Variants in UNC13C observed in about 807,000 individuals in gnomAD.
The protein encoded by UNC13C is protein unc-13 homolog C.
A neutral mutation model predicts 245.4 loss-of-function variants in UNC13C; 174 were observed. That is an observed-to-expected ratio of 0.71 (90% CI 0.63 to 0.80). The LOEUF (loss-of-function observed/expected upper bound fraction) is 0.80, where lower values mean the gene tolerates loss of function less well. Among genes scored for constraint, UNC13C ranks in the 30% least tolerant of loss-of-function variants. UNC13C has a pLI of 0.00. For synonymous variants in UNC13C, 992 were observed against 895.1 expected (o/e 1.11, Z -1.93); for missense variants, 2,829 against 2,602.9 (o/e 1.09, Z -1.89).
At chr15:54,063,702 A>G (rs1169060582) in intron 2 of UNC13C, among the ~76,000 whole-genome samples, 1 of 152,186 alleles carries the variant, frequency 6.6e-6, no homozygotes, top group Non-Finnish European at 1.5e-5. Context: ...TTGACCTTTT[A>G]AAAAATGACT....
chr15:54,040,276 T>C (rs1279413340), intron 2 of UNC13C, among the ~76,000 whole-genome samples: 1 of 151,970 alleles, frequency 6.6e-6, no homozygotes, highest in East Asian at 1.9e-4. Flanking sequence ...AGGAGTCAGG[T>C]ATAGAAAGGA....
the UNC13C span, among the ~76,000 whole-genome samples, chr15:53,843,468 A>G: frequency 6.6e-6 from 1 of 152,132 alleles, no homozygotes; most frequent in East Asian, 1.9e-4. Flanking sequence ...TCTCAAATAT[A>G]TATATACATA....
At chr15:54,555,661 T>A in intron 29 of UNC13C, 149 bp downstream of exon 29, 1 of 624,830 alleles carries the variant, frequency 1.6e-6, no homozygotes, top group Non-Finnish European at 2.7e-6. Flanking sequence ...GGTGCAATAG[T>A]AATTGTGGTT....
chr15:54,588,860 C>T (rs8026701), intron 30 of UNC13C, among the ~76,000 whole-genome samples: 2,076 of 152,068 alleles, frequency 0.014, 48 homozygotes, highest in African/African-American at 0.047. Context: ...TATATATATA[C>T]GAGTTTCTTT....
chr15:53,942,162 C>T, the UNC13C span, among the ~76,000 whole-genome samples: 13 of 152,162 alleles, frequency 8.5e-5, no homozygotes, highest in Non-Finnish European at 8.8e-5. Context: ...TCCAAATGCC[C>T]TTCAATGGTA....
At position 54,343,967 on chromosome 15, in the gene UNC13C, A is replaced by C. The variant is rs546928944; in HGVS notation, c.4713+5478A>C. 1.3e-3 allele frequency among the ~76,000 whole-genome samples: 204 copies of C among 152,338 alleles called. 2 individuals carry two copies. Among genetic ancestry groups the C allele is most frequent in the African/African-American group, 4.8e-3 (200 of 41,574 alleles). ...GACCAGGGTGATCAAATATCACCAGAAGCATTGTAGAGGAAGGAAACCTGA... is the reference window on the plus strand; with the variant it reads ...GACCAGGGTGATCAAATATCACCAGCAGCATTGTAGAGGAAGGAAACCTGA... On this transcript the variant is annotated intron_variant, in intron 17 of 32. Coordinates refer to ENST00000260323, the MANE Select transcript of UNC13C (RefSeq NM_001080534.3).
intron 2 of UNC13C, among the ~76,000 whole-genome samples, chr15:54,084,731 T>C (rs1164150539): frequency 6.6e-6 from 1 of 152,216 alleles, no homozygotes; most frequent in Non-Finnish European, 1.5e-5. Context: ...CAAATATTAC[T>C]GCTAGTTGAG....
downstream of UNC13C, chr15:54,628,620 C>T (rs987988256): frequency 2.0e-5 from 3 of 152,544 alleles, no homozygotes; most frequent in East Asian, 1.9e-4. Flanking sequence ...TGTATTGTAT[C>T]TTCTGCCTTT....
chr15:54,150,100 T>A lies in UNC13C; in HGVS notation c.3071+6416T>A, dbSNP rs2141248854. The stretch of plus-strand genomic sequence containing the variant: ...ATTTCTTGATTCCTATTTCTCTCTC[T>A]TTTTACTATGGTAAAGTATTATCAC... On this transcript the variant is annotated intron_variant, in intron 4 of 32. Transcript: ENST00000260323. Among the ~76,000 whole-genome samples, 2 of 152,338 alleles carry A rather than the reference T, an allele frequency of 1.3e-5. 1 individual carries two copies. Among genetic ancestry groups the A allele is most frequent in the East Asian group, 3.9e-4 (2 of 5,182 alleles).
rs573235300 is a variant in UNC13C at position 54,614,153 on chromosome 15, T to C, written c.6107-8174T>C. On this transcript the variant is annotated intron_variant, in intron 30 of 32. Coordinates refer to ENST00000260323, the MANE Select transcript of UNC13C (RefSeq NM_001080534.3). The stretch of plus-strand genomic sequence containing the variant: ...TATGAAACTCAGGTCAATTGACTTA[T>C]TTTTTTAGACTCTGGCTATAATTGA... Among the ~76,000 whole-genome samples, 15 of 152,096 alleles carry C rather than the reference T, an allele frequency of 9.9e-5. No homozygotes were observed. The South Asian group carries it at 1.7e-3, about 17-fold the overall frequency.
chr15:53,949,009 C>T, the UNC13C span, among the ~76,000 whole-genome samples: 1 of 152,144 alleles, frequency 6.6e-6, no homozygotes, highest in East Asian at 1.9e-4. Flanking sequence ...AGGCCCTGTT[C>T]TAGGGATTGA....
rs907762262 is a variant in UNC13C, at chr15:54,618,922, C to T, written c.6107-3405C>T. Among the ~76,000 whole-genome samples the T allele has an allele frequency of 2.6e-5, 4 of 151,936 alleles. No individual in the cohort carries two copies. In the South Asian group the frequency reaches 6.2e-4, roughly 24 times the overall value. On this transcript the variant is annotated intron_variant, in intron 30 of 32. Transcript: ENST00000260323. Reference sequence around the variant, plus strand: ...AAAGACATTTTGTCAAAAAACAAAACAAAAAACCTCTTACTGTCAATTATA... The same window carrying T: ...AAAGACATTTTGTCAAAAAACAAAATAAAAAACCTCTTACTGTCAATTATA...
At chr15:54,323,870 A>G (rs1277144307) in intron 14 of UNC13C, among the ~76,000 whole-genome samples, 1 of 152,066 alleles carries the variant, frequency 6.6e-6, no homozygotes, top group African/African-American at 2.4e-5. Flanking sequence ...AACATCATGG[A>G]ACATTGAGCC....
Position 54,049,181 on chromosome 15 carries a change from C to T in UNC13C, c.2983+33295C>T, listed in dbSNP as rs189410877. 5.2e-4 allele frequency: 232 copies of T among 446,448 alleles called. 1 individual carries two copies. The highest frequency in any genetic ancestry group is 2.5e-3 in the Admixed American group (87 of 34,326). The allele number at this position is 446,448 out of a possible 1,614,324, so 27.7% of individuals were successfully genotyped here. On this transcript the variant is annotated intron_variant, in intron 2 of 32. Transcript: ENST00000260323. ...CATCTAATAGTTTTCCAGTTGATAC[C>T]TTGAAGAAAAAGATTATTTTTTCAT...
At chr15:54,471,511 C>A (rs1892459668) in intron 19 of UNC13C, among the ~76,000 whole-genome samples, 1 of 151,318 alleles carries the variant, frequency 6.6e-6, no homozygotes, top group Non-Finnish European at 1.5e-5. Context: ...GTATAGATGC[C>A]CCCATTCCCC....
chr15:54,166,750 A>G (rs2033175763), intron 4 of UNC13C, among the ~76,000 whole-genome samples: 1 of 152,198 alleles, frequency 6.6e-6, no homozygotes, highest in African/African-American at 2.4e-5. Flanking sequence ...TTGTATCACA[A>G]CACATAACAT....
chr15:54,155,741 A>G (rs949764788), intron 4 of UNC13C, among the ~76,000 whole-genome samples: 2 of 152,172 alleles, frequency 1.3e-5, no homozygotes, highest in African/African-American at 4.8e-5. Flanking sequence ...CATTTAAGAG[A>G]AGCTGCATTT....
intron 10 of UNC13C, among the ~76,000 whole-genome samples, chr15:54,288,494 C>CT (rs56040137): frequency 0.07 from 10,205 of 146,610 alleles, 371 homozygotes; most frequent in Admixed American, 0.097. Flanking sequence ...TACTTGGAGT[C>CT]TTTTTTTTTT....
upstream of UNC13C, among the ~76,000 whole-genome samples, chr15:53,977,496 C>T (rs766546931): frequency 2.0e-5 from 3 of 152,130 alleles, no homozygotes; most frequent in Admixed American, 6.5e-5. Context: ...TACTGTTTAA[C>T]CACAGCTGCT....
Sources: gnomAD v4.1 joint callset for allele counts (sites outside exome capture counted in the v4.1 genomes callset) on GRCh38, gnomAD v4.1.1 for gene constraint, MANE v1.5 for transcripts, NCBI Gene and HGNC (gene_info 2026-07-23, HGNC 2026-07-21) for gene names.